Variants in ITPK1 observed in about 807,000 individuals in gnomAD.
ITPK1 encodes inositol-tetrakisphosphate 1-kinase.
In ITPK1, 21 loss-of-function variants were observed where a neutral mutation model predicts 45.3. The ratio of observed to expected loss-of-function variants is 0.46; its 90% CI spans 0.33 to 0.67. The LOEUF (loss-of-function observed/expected upper bound fraction) is 0.67. Among genes scored for constraint, ITPK1 ranks in the 30% least tolerant of loss-of-function variants. The pLI is 0.02. For missense variants in ITPK1, 474 were observed against 573.5 expected (o/e 0.83, Z 1.77); for synonymous variants, 258 against 253.6 (o/e 1.02, Z -0.16).
At chr14:92,984,229 T>C (rs1053945831) in intron 5 of ITPK1, among the ~76,000 whole-genome samples, 5 of 152,106 alleles carry the variant, frequency 3.3e-5, no homozygotes, top group Non-Finnish European at 7.4e-5. Flanking sequence ...CACACACTAA[T>C]ACAGGGAACT....
At chr14:93,024,430 C>T (rs553815469) in intron 3 of ITPK1, among the ~76,000 whole-genome samples, 1 of 152,186 alleles carries the variant, frequency 6.6e-6, no homozygotes, top group Admixed American at 6.5e-5. Flanking sequence ...AATATCCTTC[C>T]TATAGTCGCG....
chr14:92,962,949 C>T, intron 5 of ITPK1, 100 bp from the exon 6 acceptor site: 2 of 710,282 alleles, frequency 2.8e-6, no homozygotes, highest in Non-Finnish European at 4.7e-6. Flanking sequence ...TTCAGTGCCC[C>T]CACGCTCCTG....
At chr14:92,960,000 C>A (rs985470405) in intron 7 of ITPK1, among the ~76,000 whole-genome samples, 1 of 152,184 alleles carries the variant, frequency 6.6e-6, no homozygotes, top group East Asian at 1.9e-4. Context: ...CCCCGGGTAC[C>A]CCTGGAATCT....
chr14:93,064,270 G>T (rs558543817), intron 3 of ITPK1, among the ~76,000 whole-genome samples: 3 of 152,168 alleles, frequency 2.0e-5, no homozygotes, highest in Non-Finnish European at 4.4e-5. Flanking sequence ...GCGACAGAGC[G>T]AGACTCCATC....
At chr14:93,024,603 T>C (rs747740995) in intron 3 of ITPK1, among the ~76,000 whole-genome samples, 2 of 152,190 alleles carry the variant, frequency 1.3e-5, no homozygotes, top group Non-Finnish European at 2.9e-5. Context: ...TCCACCAGCA[T>C]GATTCTGATA....
chr14:92,941,130 C>T lies in ITPK1; in HGVS notation c.*431G>A. ...GGAGTCAGGCAGAAGGGAAGCCACT[C>T]TCACATGCACCGATCAGCCTCCCAC... On this transcript the variant is annotated 3_prime_UTR_variant, in exon 11 of 11. Transcript: ENST00000267615. The T allele has an allele frequency of 8.3e-7, 1 of 1,204,692 alleles. No individual in the cohort carries two copies. Among genetic ancestry groups the T allele is most frequent in the Non-Finnish European group, 1.0e-6 (1 of 953,156 alleles). The allele number at this position is 1,204,692 out of a possible 1,614,324, so 74.6% of individuals were successfully genotyped here. A position where few individuals can be genotyped will look rare whatever the true frequency, so the allele number is the denominator to read the frequency against.
intron 2 of ITPK1, among the ~76,000 whole-genome samples, chr14:93,101,711 G>A (rs746993159): frequency 5.9e-5 from 9 of 152,152 alleles, no homozygotes; most frequent in Non-Finnish European, 8.8e-5. Context: ...TTAGCTGGGC[G>A]TGGAGGCGTG....
At chr14:93,022,739 T>A (rs1336683635) in intron 3 of ITPK1, among the ~76,000 whole-genome samples, 1 of 152,120 alleles carries the variant, frequency 6.6e-6, no homozygotes, top group Non-Finnish European at 1.5e-5. Context: ...TTGGGCAGGC[T>A]GGTCTTGAAC....
chr14:92,990,304 T>C (rs1886714161), intron 5 of ITPK1, among the ~76,000 whole-genome samples: 1 of 152,136 alleles, frequency 6.6e-6, no homozygotes, highest in African/African-American at 2.4e-5. Flanking sequence ...CATCCTAATG[T>C]CTAGATCTTG....
intron 2 of ITPK1, among the ~76,000 whole-genome samples, chr14:93,089,544 G>A (rs1891785588): frequency 6.6e-6 from 1 of 152,068 alleles, no homozygotes; most frequent in African/African-American, 2.4e-5. Context: ...CCAATCTGTG[G>A]GGAAGGCAGT....
At chr14:93,065,078 G>A (rs1890692109) in intron 3 of ITPK1, among the ~76,000 whole-genome samples, 1 of 152,060 alleles carries the variant, frequency 6.6e-6, no homozygotes, top group Non-Finnish European at 1.5e-5. Flanking sequence ...CAGAAAGAAG[G>A]AAAACATAAA....
intron 3 of ITPK1, among the ~76,000 whole-genome samples, chr14:93,048,608 G>A (rs1256950435): frequency 6.6e-6 from 1 of 152,218 alleles, no homozygotes; most frequent in Admixed American, 6.5e-5. Flanking sequence ...CTGGAAGCGG[G>A]GAAGAAGGGG....
At chr14:93,035,901 G>A (rs1222694112) in intron 3 of ITPK1, among the ~76,000 whole-genome samples, 2 of 152,210 alleles carry the variant, frequency 1.3e-5, no homozygotes, top group African/African-American at 2.4e-5. Flanking sequence ...GACCAGAGAG[G>A]TCCAAGGCCT....
intron 4 of ITPK1, among the ~76,000 whole-genome samples, chr14:93,006,671 A>C (rs1887630890): frequency 6.6e-6 from 1 of 151,374 alleles, no homozygotes; most frequent in Non-Finnish European, 1.5e-5. Context: ...CGGCTGGGAG[A>C]AACCACAGGC....
chr14:93,113,393 AG>A (rs2140043399), intron 2 of ITPK1, among the ~76,000 whole-genome samples: 1 of 152,338 alleles, frequency 6.6e-6, no homozygotes, highest in East Asian at 1.9e-4. Context: ...AAGCAAAACA[AG>A]CCAACCCAAT....
chr14:92,974,185 C>T (rs950801787), intron 5 of ITPK1, among the ~76,000 whole-genome samples: 2 of 152,082 alleles, frequency 1.3e-5, no homozygotes, highest in South Asian at 2.1e-4. Context: ...GAGGGTGGGG[C>T]CCCTGCAGGG....
intron 3 of ITPK1, among the ~76,000 whole-genome samples, chr14:93,065,705 A>G (rs905520197): frequency 1.3e-5 from 2 of 152,204 alleles, no homozygotes; most frequent in African/African-American, 4.8e-5. Context: ...ACAGCCTGAG[A>G]TGTGACTTAG....
chr14:93,007,109 C>T (rs2139836118), intron 4 of ITPK1, among the ~76,000 whole-genome samples: 1 of 152,276 alleles, frequency 6.6e-6, no homozygotes, highest in East Asian at 1.9e-4. Flanking sequence ...TCACAGCTAC[C>T]AGCTGAACAA....
intron 4 of ITPK1, among the ~76,000 whole-genome samples, chr14:93,013,374 G>C (rs575230405): frequency 2.6e-5 from 4 of 152,308 alleles, no homozygotes; most frequent in African/African-American, 9.6e-5. Context: ...TCTGCAGTAA[G>C]CCTCTGGCCC....
Sources: allele counts gnomAD v4.1 joint callset (sites outside exome capture counted in the v4.1 genomes callset), GRCh38; gene constraint gnomAD v4.1.1; transcripts MANE v1.5; gene names NCBI Gene and HGNC (gene_info 2026-07-23, HGNC 2026-07-21).